The following GRM7 variants were observed in gnomAD, a reference collection of about 807,000 sequenced individuals.
GRM7 encodes glutamate metabotropic receptor 7.
A neutral mutation model predicts 84.5 loss-of-function variants in GRM7; 35 were observed. That is an observed-to-expected ratio of 0.41 (90% CI 0.32 to 0.55). The LOEUF (loss-of-function observed/expected upper bound fraction) is 0.55. GRM7 is among the 20% of genes least tolerant of loss of function. GRM7 has a pLI of 0.19. For missense variants in GRM7, 1,003 were observed against 1,194.6 expected, an observed-to-expected ratio of 0.84 and a Z score of 2.36; for synonymous variants, 487 against 455.1, an observed-to-expected ratio of 1.07 and a Z score of -0.89.
intron 4 of GRM7, among the ~76,000 whole-genome samples, chr3:7,388,115 C>G (rs1296328662): frequency 6.6e-6 from 1 of 151,992 alleles, no homozygotes; most frequent in African/African-American, 2.4e-5. Context: ...GATAGAAATT[C>G]TACTACTTTT....
intron 7 of GRM7, among the ~76,000 whole-genome samples, chr3:7,531,999 C>T: frequency 6.6e-6 from 1 of 150,844 alleles, no homozygotes; most frequent in East Asian, 1.9e-4. Context: ...GTTTATTGCG[C>T]GTGCTGCTGG....
At chr3:7,354,915 T>C (rs6443106) in intron 4 of GRM7, among the ~76,000 whole-genome samples, 31,850 of 152,180 alleles carry the variant, frequency 0.21, 3,608 homozygotes, top group South Asian at 0.34. Context: ...CACAGGGGTA[T>C]ATCAACTCTT....
chr3:6,932,275 T>C (rs1450361050), intron 1 of GRM7, among the ~76,000 whole-genome samples: 2 of 152,196 alleles, frequency 1.3e-5, no homozygotes, highest in Admixed American at 1.3e-4. Flanking sequence ...GGCTTTTCCT[T>C]TAAGGATATT....
chr3:7,314,187 C>T (rs1700502634), intron 4 of GRM7, among the ~76,000 whole-genome samples: 1 of 152,008 alleles, frequency 6.6e-6, no homozygotes, highest in East Asian at 1.9e-4. Flanking sequence ...TCATGTGACC[C>T]TTGCCCAATT....
At chr3:7,421,583 C>G (rs1696395273) in intron 5 of GRM7, among the ~76,000 whole-genome samples, 1 of 152,148 alleles carries the variant, frequency 6.6e-6, no homozygotes, top group African/African-American at 2.4e-5. Flanking sequence ...AGGCTTTGCT[C>G]TGATCCTTCG....
chr3:7,450,734 A>G (rs186421755), intron 5 of GRM7, among the ~76,000 whole-genome samples: 3 of 152,154 alleles, frequency 2.0e-5, no homozygotes, highest in East Asian at 1.9e-4. Flanking sequence ...AAAATCCTAT[A>G]CTATATACAC....
chr3:7,242,641 G>T (rs1235522349), intron 2 of GRM7, among the ~76,000 whole-genome samples: 5 of 152,180 alleles, frequency 3.3e-5, no homozygotes, highest in Non-Finnish European at 5.9e-5. Flanking sequence ...ATTGTGGCAT[G>T]TGTGGAGTTT....
At chr3:7,260,450 G>T (rs980791882) in intron 2 of GRM7, among the ~76,000 whole-genome samples, 1 of 152,082 alleles carries the variant, frequency 6.6e-6, no homozygotes, top group African/African-American at 2.4e-5. Flanking sequence ...AGGTGTCCAG[G>T]AATTTATCCG....
At chr3:7,335,928 AG>A in intron 4 of GRM7, among the ~76,000 whole-genome samples, 1 of 152,192 alleles carries the variant, frequency 6.6e-6, no homozygotes. Context: ...TGCCAAAAAA[AG>A]GTCTAGGACC....
intron 9 of GRM7, among the ~76,000 whole-genome samples, chr3:7,697,365 C>T (rs1280977041): frequency 6.6e-6 from 1 of 151,926 alleles, no homozygotes; most frequent in East Asian, 1.9e-4. Flanking sequence ...GTGTCATTAT[C>T]CTCATTTATA....
intron 4 of GRM7, among the ~76,000 whole-genome samples, chr3:7,382,141 T>G (rs1414740128): frequency 1.3e-5 from 2 of 152,230 alleles, no homozygotes; most frequent in Non-Finnish European, 2.9e-5. Context: ...AAATTCTGCT[T>G]ACCTTATGGC....
At chr3:7,049,275 G>T (rs1023877415) in intron 1 of GRM7, among the ~76,000 whole-genome samples, 6 of 151,950 alleles carry the variant, frequency 3.9e-5, no homozygotes, top group Admixed American at 2.0e-4. Context: ...AGAAACAAAA[G>T]AATTTAATGG....
intron 2 of GRM7, among the ~76,000 whole-genome samples, chr3:7,262,671 G>A (rs1698476417): frequency 1.3e-5 from 2 of 152,088 alleles, no homozygotes; most frequent in Non-Finnish European, 2.9e-5. Context: ...AAGAAAGATG[G>A]CATTCTGGCT....
intron 2 of GRM7, among the ~76,000 whole-genome samples, chr3:7,214,002 T>G (rs1035890900): frequency 6.6e-6 from 1 of 152,120 alleles, no homozygotes; most frequent in African/African-American, 2.4e-5. Flanking sequence ...GGATATTTTT[T>G]AAATTCTCTT....
intron 1 of GRM7, among the ~76,000 whole-genome samples, chr3:6,936,339 G>C (rs77020137): frequency 0.034 from 5,192 of 152,222 alleles, 294 homozygotes; most frequent in African/African-American, 0.12. Context: ...CTAGAGGGTG[G>C]TTTTCCAATA....
chr3:7,357,865 G>A (rs1440407005), intron 4 of GRM7, among the ~76,000 whole-genome samples: 1 of 151,950 alleles, frequency 6.6e-6, no homozygotes, highest in Non-Finnish European at 1.5e-5. Context: ...AAGATTGCCT[G>A]TAATAAATAA....
At chr3:7,053,633 C>T (rs1011546225) in intron 1 of GRM7, among the ~76,000 whole-genome samples, 1 of 151,262 alleles carries the variant, frequency 6.6e-6, no homozygotes, top group Non-Finnish European at 1.5e-5. Context: ...AAAATGTTAT[C>T]CTTGTTTTGG....
chr3:7,316,048 A>G (rs1700570744), intron 4 of GRM7, among the ~76,000 whole-genome samples: 2 of 152,170 alleles, frequency 1.3e-5, no homozygotes, highest in African/African-American at 4.8e-5. Flanking sequence ...TTGAATAAAT[A>G]AAGGAATTAT....
intron 1 of GRM7, among the ~76,000 whole-genome samples, chr3:7,004,494 G>A (rs1036032051): frequency 6.6e-6 from 1 of 152,096 alleles, no homozygotes; most frequent in African/African-American, 2.4e-5. Flanking sequence ...CCATTGAGAA[G>A]GAACCTATTT....
Sources: allele counts gnomAD v4.1 joint callset (sites outside exome capture counted in the v4.1 genomes callset), GRCh38; gene constraint gnomAD v4.1.1; transcripts MANE v1.5; gene names NCBI Gene and HGNC (gene_info 2026-07-23, HGNC 2026-07-21).